The following ITGA4 variants were observed in gnomAD, a reference collection of about 807,000 sequenced individuals.
The protein encoded by ITGA4 is integrin subunit alpha 4, also known as integrin alpha-4.
In ITGA4, 63 loss-of-function variants were observed where a neutral mutation model predicts 133.6. The observed-to-expected ratio is 0.47, with a 90% CI of 0.38 to 0.58. The LOEUF (loss-of-function observed/expected upper bound fraction) is 0.58. Ranked by LOEUF, ITGA4 falls within the 20% of genes least tolerant of loss-of-function variation. The probability of loss-of-function intolerance (pLI) is 0.00; values close to 1 mark genes in which losing one functional copy is unlikely to be tolerated. For synonymous variants in ITGA4, 483 were observed against 438.0 expected, an observed-to-expected ratio of 1.10 and a Z score of -1.28; for missense variants, 1,076 against 1,252.7, an observed-to-expected ratio of 0.86 and a Z score of 2.13.
At position 181,509,648 on chromosome 2, in the gene ITGA4, T is replaced by A; in HGVS notation, c.1696-10T>A. 6.4e-7 allele frequency: 1 copy of A among 1,566,960 alleles called. No homozygotes were observed. The highest frequency in any genetic ancestry group is 8.6e-7 in the Non-Finnish European group (1 of 1,162,990). The stretch of plus-strand genomic sequence containing the variant: ...TTTTTGTTAATTCATATGGTGGTTA[T>A]TTTCCTTAGAAAGATGTGCGGGACA... On this transcript the variant is annotated splice_polypyrimidine_tract_variant and intron_variant, in intron 15 of 27. Transcript: ENST00000397033.
chr2:181,498,768 AT>A lies in ITGA4; in HGVS notation c.1689del (p.Phe563LeufsTer49). ...REANCRTHQAFMRKDVRDILT... is the reference protein window; with the variant it reads ...REANCRTHQAXMRKDVRDILT... ...AAGCTAACTGTAGAACACATCAAGC[AT>A]TTATGCGGGTAATGTAAGCTATTTT... On this transcript the variant is annotated frameshift_variant, in exon 15 of 28. Transcript: ENST00000397033. LOFTEE classifies it high-confidence loss of function. 1 of 1,598,134 alleles carries A rather than the reference AT, an allele frequency of 6.3e-7. No homozygotes were observed. Among genetic ancestry groups the A allele is most frequent in the Non-Finnish European group, 8.5e-7 (1 of 1,173,580 alleles).
chr2:181,458,164 G>A (rs200222713), intron 1 of ITGA4, 32 bp from the exon 2 acceptor site: 35 of 1,613,674 alleles, frequency 2.2e-5, no homozygotes, highest in Middle Eastern at 1.7e-4. Flanking sequence ...CACAGCTCAC[G>A]TCTGAGCGCA....
At chr2:181,524,313 TAGG>T in intron 20 of ITGA4, 63 bp downstream of exon 20, 1 of 908,040 alleles carries the variant, frequency 1.1e-6, no homozygotes, top group South Asian at 1.7e-5. Context: ...GGGGGGGAAT[TAGG>T]AGAACCGTAA....
intron 4 of ITGA4, chr2:181,476,103 T>C: frequency 2.8e-6 from 1 of 358,022 alleles, no homozygotes; most frequent in Admixed American, 4.5e-5. Context: ...TTCCTTGGAA[T>C]GTGATGTCAC....
Position 181,475,085 on chromosome 2 carries a change from C to CCACAGA in ITGA4, c.426+20_426+25dup. ...CATCGTGGTAGGTATTGGAACTGGTCCACAGATCCATCGTGAAATCAGCTA... is the reference window on the plus strand; with the variant it reads ...CATCGTGGTAGGTATTGGAACTGGTCCACAGACACAGATCCATCGTGAAATCAGCTA... On this transcript the variant is annotated intron_variant, in intron 3 of 27. Coordinates refer to ENST00000397033, the MANE Select transcript of ITGA4 (RefSeq NM_000885.6). 6.2e-7 allele frequency: 1 copy of CCACAGA among 1,610,056 alleles called. No homozygotes were observed. Among genetic ancestry groups the CCACAGA allele is most frequent in the Non-Finnish European group, 8.5e-7 (1 of 1,176,432 alleles).
Position 181,535,417 on chromosome 2 carries a change from T to C in ITGA4, c.3004-15T>C. The C allele has an allele frequency of 1.3e-6, 2 of 1,585,604 alleles. 1 individual carries two copies. Among genetic ancestry groups the C allele is most frequent in the South Asian group, 2.3e-5 (2 of 88,248 alleles). Reference sequence around the variant, plus strand: ...TCATAACTATACACTAGTGATTATGTTATGCTATTTTCAGGCTGGCTTCTT... The same window carrying C: ...TCATAACTATACACTAGTGATTATGCTATGCTATTTTCAGGCTGGCTTCTT... On this transcript the variant is annotated splice_polypyrimidine_tract_variant and intron_variant, in intron 27 of 27. Transcript: ENST00000397033.
In ITGA4 at chr2:181,509,800, A is replaced by G. The variant is rs1352265369; in HGVS notation, c.1838A>G (p.Lys613Arg). ...LQQKKEKDIM[K>R]KTINFARFCA... ...CAGAAGAAAGAAAAAGACATAATGAAAAAAACAGTAGGAATATTTTCCTTT... is the reference window on the plus strand; with the variant it reads ...CAGAAGAAAGAAAAAGACATAATGAGAAAAACAGTAGGAATATTTTCCTTT... The change falls in exon 16 of 28, where the codon AAA becomes AGA. Residue 613 changes from lysine (K) to arginine (R), a missense_variant. By Grantham distance (26) the Lys-to-Arg change is conservative. Transcript: ENST00000397033. 2.5e-6 allele frequency: 4 copies of G among 1,603,062 alleles called. No homozygotes were observed. In the African/African-American group the frequency reaches 5.4e-5, roughly 22 times the overall value.
At chr2:181,461,433 C>A (rs1685275618) in intron 2 of ITGA4, among the ~76,000 whole-genome samples, 1 of 151,706 alleles carries the variant, frequency 6.6e-6, no homozygotes, top group Admixed American at 6.6e-5. Flanking sequence ...GGTCTGGGCC[C>A]AGACTTGCTC....
intron 1 of ITGA4, 101 bp downstream of exon 1, chr2:181,457,952 G>C: frequency 8.1e-7 from 1 of 1,230,540 alleles, no homozygotes; most frequent in Admixed American, 2.6e-5. Flanking sequence ...CCCTCCCAAG[G>C]AGGCAGGAGG....
chr2:181,479,539 A>G (rs1020805961), intron 5 of ITGA4: 11 of 152,050 alleles, frequency 7.2e-5, no homozygotes, highest in African/African-American at 2.7e-4. Context: ...GTATAGAAAT[A>G]TGCTAAAGAT....
chr2:181,536,856 TG>T lies in ITGA4; in HGVS notation c.*1331del. 2.3e-6 allele frequency: 1 copy of T among 430,664 alleles called. No homozygotes were observed. The highest frequency in any genetic ancestry group is 4.6e-6 in the Non-Finnish European group (1 of 215,690). 26.7% of individuals were successfully genotyped at this position (430,664 alleles called of 1,614,324 possible). A position where few individuals can be genotyped will look rare whatever the true frequency, so the allele number is the denominator to read the frequency against. On this transcript the variant is annotated 3_prime_UTR_variant, in exon 28 of 28. Coordinates refer to ENST00000397033, the MANE Select transcript of ITGA4 (RefSeq NM_000885.6). ...TGACTCTGCCTTCATAAGAGAGCTG[TG>T]GCCGAATTTTGAACATCTGTTATAG... is the stretch of plus-strand genomic sequence containing the variant.
chr2:181,464,313 C>T (rs532891424), intron 2 of ITGA4, among the ~76,000 whole-genome samples: 1 of 152,036 alleles, frequency 6.6e-6, no homozygotes, highest in Non-Finnish European at 1.5e-5. Flanking sequence ...ATGGTGAATC[C>T]ACTGCAGAGG....
At chr2:181,499,317 T>G (rs1187905427) in intron 15 of ITGA4, among the ~76,000 whole-genome samples, 1 of 152,172 alleles carries the variant, frequency 6.6e-6, no homozygotes, top group African/African-American at 2.4e-5. Flanking sequence ...ATAGCTCTCA[T>G]GATGGTTTGG....
At chr2:181,532,802 G>A (rs909168437) in intron 25 of ITGA4, among the ~76,000 whole-genome samples, 1 of 152,168 alleles carries the variant, frequency 6.6e-6, no homozygotes, top group Non-Finnish European at 1.5e-5. Flanking sequence ...GTGAGAGAGG[G>A]CATCCTTGTC....
intron 15 of ITGA4, among the ~76,000 whole-genome samples, chr2:181,508,490 A>G (rs181269317): frequency 4.6e-4 from 69 of 151,196 alleles, no homozygotes; most frequent in Non-Finnish European, 8.0e-4. Context: ...GAGGTCAGGA[A>G]TTTGAGACCA....
chr2:181,467,795 T>G (rs897794091), intron 2 of ITGA4, among the ~76,000 whole-genome samples: 3 of 152,208 alleles, frequency 2.0e-5, no homozygotes, highest in Non-Finnish European at 2.9e-5. Flanking sequence ...AAGATGCTAT[T>G]TTTTAATTCT....
Position 181,475,139 on chromosome 2 carries a change from T to G in ITGA4, c.427-20T>G. 6.2e-7 allele frequency: 1 copy of G among 1,613,540 alleles called. No homozygotes were observed. ...TGGGTGCAGCTTTCACATCATTTGGTCTACTTTTATTTTATTCAGACTTGT... is the reference window on the plus strand; with the variant it reads ...TGGGTGCAGCTTTCACATCATTTGGGCTACTTTTATTTTATTCAGACTTGT... On this transcript the variant is annotated intron_variant, in intron 3 of 27. Transcript: ENST00000397033.
chr2:181,534,344 C>G lies in ITGA4; in HGVS notation c.2857C>G (p.Leu953Val), dbSNP rs199618280. The stretch of plus-strand genomic sequence containing the variant: ...AGAGCCAAATCCAAGAGTAATTGAA[C>G]TAAACAAGGATGAGAATGTTGCGCA... ...FPEPNPRVIE[L>V]NKDENVAHVL... is the part of the protein sequence containing the mutation. The change falls in exon 26 of 28, where the codon CTA becomes GTA. Residue 953 changes from leucine (L) to valine (V), a missense_variant. Leu to Val is a conservative substitution (Grantham distance 32). Around this residue, in one of 4 missense-constraint regions of ITGA4, gnomAD observed 193 missense variants for 172.3 expected, o/e 1.12. Coordinates refer to ENST00000397033, the MANE Select transcript of ITGA4 (RefSeq NM_000885.6). 7.3e-5 allele frequency: 117 copies of G among 1,604,792 alleles called. No homozygotes were observed. Among genetic ancestry groups the G allele is most frequent in the Non-Finnish European group, 9.6e-5 (112 of 1,171,982 alleles).
At chr2:181,469,796 T>TTGTGA (rs1349871718) in intron 2 of ITGA4, among the ~76,000 whole-genome samples, 1 of 152,018 alleles carries the variant, frequency 6.6e-6, no homozygotes, top group Non-Finnish European at 1.5e-5. Flanking sequence ...ATCATCATTC[T>TTGTGA]CAGTAAACTA....
Sources: gnomAD v4.1 joint callset for allele counts (sites outside exome capture counted in the v4.1 genomes callset) on GRCh38, gnomAD v4.1.1 for gene constraint, gnomAD v4.1.1 regional missense constraint, MANE v1.5 for transcripts, NCBI Gene and HGNC (gene_info 2026-07-23, HGNC 2026-07-21) for gene names.